FGF13: variants seen among roughly 807,000 people sequenced by gnomAD.
FGF13 encodes the protein fibroblast growth factor 13, also known as fibroblast growth factor homologous factor 2.
In FGF13, 2 loss-of-function variants were observed where a neutral mutation model predicts 19.5. The observed-to-expected ratio is 0.10, with a 90% CI of 0.04 to 0.32. The LOEUF (loss-of-function observed/expected upper bound fraction) is 0.32, where lower values mean the gene tolerates loss of function less well. FGF13 is among the 10% of genes least tolerant of loss of function. The pLI is 1.00. For missense variants in FGF13, 113 were observed against 192.7 expected (o/e 0.59, Z 2.45); for synonymous variants, 72 against 76.9 (o/e 0.94, Z 0.33).
At chrX:138,955,748 G>T (rs2091838039) in intron 1 of FGF13, among the ~76,000 whole-genome samples, 1 of 111,974 alleles carries the variant, frequency 8.9e-6, no homozygotes, top group South Asian at 3.8e-4. Context: ...TTGTTTCTGA[G>T]GTAGCACAGA....
chrX:139,073,438 G>A lies in FGF13; in HGVS notation c.-113+129978C>T, dbSNP rs755111156. On this transcript the variant is annotated intron_variant, in intron 1 of 2. Coordinates refer to the FGF13 transcript ENST00000421460. The stretch of plus-strand genomic sequence containing the variant: ...ATAAAATGAGGTTAAAGTAGGTGGT[G>A]TACAGAAGATTTTAATAAACATTAG... Among the ~76,000 whole-genome samples the A allele has an allele frequency of 5.4e-5, 6 of 111,470 alleles. No individual in the cohort carries two copies. The South Asian group carries it at 1.9e-3, about 36-fold the overall frequency.
chrX:138,888,198 A>T (rs1177498779), intron 1 of FGF13, among the ~76,000 whole-genome samples: 1 of 112,128 alleles, frequency 8.9e-6, no homozygotes, highest in African/African-American at 3.2e-5. Context: ...ATAATACGCC[A>T]TTGAGTTGTA....
intron 1 of FGF13, among the ~76,000 whole-genome samples, chrX:138,868,065 C>A (rs769855349): frequency 9.0e-6 from 1 of 111,576 alleles, no homozygotes; most frequent in Admixed American, 9.6e-5. Context: ...AATAGTATTT[C>A]TTTCAAAATG....
intron 1 of FGF13, among the ~76,000 whole-genome samples, chrX:139,066,922 G>C (rs965886711): frequency 7.2e-5 from 8 of 111,051 alleles, no homozygotes; most frequent in Non-Finnish European, 3.8e-5. Context: ...ACATCAAAAA[G>C]CTTATCCATC....
chrX:138,768,746 T>C (rs1208948218), intron 3 of FGF13, among the ~76,000 whole-genome samples: 7 of 102,040 alleles, frequency 6.9e-5, no homozygotes, highest in African/African-American at 2.6e-4. Context: ...ATGATATATA[T>C]ATATATATAA....
At chrX:138,890,632 G>A (rs925770110) in intron 1 of FGF13, among the ~76,000 whole-genome samples, 5 of 111,988 alleles carry the variant, frequency 4.5e-5, no homozygotes, top group Admixed American at 9.5e-5. Context: ...ACTTGAAGAA[G>A]TTTTAGCATT....
At chrX:139,165,413 G>C (rs2084075050) in intron 1 of FGF13, among the ~76,000 whole-genome samples, 1 of 112,045 alleles carries the variant, frequency 8.9e-6, no homozygotes, top group Admixed American at 9.5e-5. Flanking sequence ...AACTGAAAAA[G>C]CTTGCAAGAG....
chrX:138,992,284 C>T (rs1015684815), intron 1 of FGF13, among the ~76,000 whole-genome samples: 1 of 111,300 alleles, frequency 9.0e-6, no homozygotes, highest in African/African-American at 3.3e-5. Flanking sequence ...TATCAGTTGT[C>T]TTTCAATTTT....
At chrX:138,665,488 A>G (rs2089533080) in intron 3 of FGF13, among the ~76,000 whole-genome samples, 1 of 111,536 alleles carries the variant, frequency 9.0e-6, no homozygotes, top group African/African-American at 3.3e-5. Flanking sequence ...AAGATTTTGT[A>G]AACACTTAGA....
At chrX:139,148,319 C>T (rs1314188588) in intron 1 of FGF13, among the ~76,000 whole-genome samples, 2 of 111,542 alleles carry the variant, frequency 1.8e-5, no homozygotes, top group East Asian at 2.8e-4. Flanking sequence ...CACACACCTG[C>T]CTATTCAGAG....
At chrX:138,781,925 A>C (rs1488745668) in intron 3 of FGF13, among the ~76,000 whole-genome samples, 1 of 111,735 alleles carries the variant, frequency 8.9e-6, no homozygotes, top group East Asian at 2.8e-4. Flanking sequence ...TACTGGCAAA[A>C]CGAATCCAGC....
chrX:139,073,000 A>G (rs1379439649), intron 1 of FGF13, among the ~76,000 whole-genome samples: 2 of 110,805 alleles, frequency 1.8e-5, no homozygotes, highest in Non-Finnish European at 3.8e-5. Flanking sequence ...TCTAGAAGTT[A>G]TATTTATTTC....
chrX:138,632,895 G>T lies in FGF13; in HGVS notation c.693C>A (p.Gly231=). 8.3e-7 allele frequency: 1 copy of T among 1,210,283 alleles called. No individual in the cohort carries two copies. Among genetic ancestry groups the T allele is most frequent in the East Asian group, 3.0e-5 (1 of 33,797 alleles). ...GTPTKSRSVS[G]VLNGGKSMSH... ...TCATGGATTTGCCTCCGTTCAGCACGCCAGAGACACTTCTGCTCTTGGTTG... is the reference window on the plus strand; with the variant it reads ...TCATGGATTTGCCTCCGTTCAGCACTCCAGAGACACTTCTGCTCTTGGTTG... The change falls in exon 5 of 5, where the codon GGC becomes GGA. Residue 231 remains glycine, a synonymous_variant. Transcript: ENST00000315930.
chrX:138,955,235 T>C (rs1445942038), intron 1 of FGF13, among the ~76,000 whole-genome samples: 1 of 113,011 alleles, frequency 8.8e-6, no homozygotes, highest in Non-Finnish European at 1.9e-5. Flanking sequence ...AATTAGTCCA[T>C]AGAGACGGGA....
At chrX:138,986,270 T>A (rs2091994407) in intron 1 of FGF13, among the ~76,000 whole-genome samples, 1 of 112,203 alleles carries the variant, frequency 8.9e-6, no homozygotes, top group Non-Finnish European at 1.9e-5. Context: ...TTCAGCTCCA[T>A]CTCCATGTCT....
At chrX:138,873,005 T>C (rs2091366549) in intron 1 of FGF13, among the ~76,000 whole-genome samples, 1 of 111,389 alleles carries the variant, frequency 9.0e-6, no homozygotes, top group African/African-American at 3.3e-5. Flanking sequence ...TTTTACTTCT[T>C]AATTTGTTTG....
chrX:138,984,666 G>T (rs375523989), intron 1 of FGF13, among the ~76,000 whole-genome samples: 26 of 28,295 alleles, frequency 9.2e-4, no homozygotes, highest in African/African-American at 2.3e-3. Context: ...GGAGAAGGAG[G>T]AGAAGGTGAA....
At chrX:138,948,174 C>T (rs1251331425) in intron 1 of FGF13, among the ~76,000 whole-genome samples, 1 of 111,830 alleles carries the variant, frequency 8.9e-6, no homozygotes, top group Non-Finnish European at 1.9e-5. Context: ...TGCTTACTAC[C>T]TTCCCCACGT....
intron 1 of FGF13, among the ~76,000 whole-genome samples, chrX:138,989,543 C>T (rs1182484576): frequency 9.0e-6 from 1 of 111,414 alleles, no homozygotes; most frequent in Non-Finnish European, 1.9e-5. Flanking sequence ...CAGATTTCAT[C>T]TGAAAAATAA....
Sources: gnomAD v4.1 joint callset for allele counts (sites outside exome capture counted in the v4.1 genomes callset) on GRCh38, gnomAD v4.1.1 for gene constraint, MANE v1.5 for transcripts, NCBI Gene and HGNC (gene_info 2026-07-23, HGNC 2026-07-21) for gene names.